Variants in LINGO2 observed in about 807,000 individuals in gnomAD.
The protein encoded by LINGO2 is leucine rich repeat and Ig domain containing 2, also known as leucine-rich repeat and immunoglobulin-like domain-containing nogo receptor-interacting protein 2.
LINGO2 carries 14 observed loss-of-function variants against 30.6 expected under a neutral mutation model. That is an observed-to-expected ratio of 0.46 (90% CI 0.30 to 0.72). LINGO2 has a LOEUF of 0.72. LINGO2 is among the 30% of genes least tolerant of loss of function. LINGO2 has a pLI of 0.07. For synonymous variants in LINGO2, 317 were observed against 288.5 expected (o/e 1.10, Z -1.00); for missense variants, 729 against 751.7 (o/e 0.97, Z 0.35).
the LINGO2 span, among the ~76,000 whole-genome samples, chr9:28,953,857 C>G: frequency 6.6e-6 from 1 of 152,042 alleles, no homozygotes; most frequent in Non-Finnish European, 1.5e-5. Context: ...ATATTAAAAT[C>G]CACTGGCTAT....
intron 2 of LINGO2, among the ~76,000 whole-genome samples, chr9:28,414,341 A>G (rs10968576): frequency 0.26 from 38,904 of 151,932 alleles, 5,556 homozygotes; most frequent in Non-Finnish European, 0.32. Context: ...TGAGCTGAGA[A>G]AGTACATATA....
the LINGO2 span, among the ~76,000 whole-genome samples, chr9:28,736,526 C>A: frequency 6.6e-6 from 1 of 152,148 alleles, no homozygotes; most frequent in East Asian, 1.9e-4. Context: ...CGTGGTGGGT[C>A]ACGCCTATAA....
chr9:28,319,105 G>T (rs546194386), intron 3 of LINGO2, among the ~76,000 whole-genome samples: 1 of 152,214 alleles, frequency 6.6e-6, no homozygotes, highest in East Asian at 1.9e-4. Flanking sequence ...AGTATGAACT[G>T]CCCAGCAGAC....
chr9:28,934,571 TAA>T, the LINGO2 span, among the ~76,000 whole-genome samples: 1 of 152,126 alleles, frequency 6.6e-6, no homozygotes, highest in African/African-American at 2.4e-5. Context: ...TTTCAATCCC[TAA>T]AAAAATCAGG....
At chr9:29,146,649 A>G in the LINGO2 span, among the ~76,000 whole-genome samples, 1 of 152,154 alleles carries the variant, frequency 6.6e-6, no homozygotes. Flanking sequence ...AAGGGAAAGG[A>G]ATATATTTGT....
At chr9:28,238,386 T>C (rs4358888) in intron 4 of LINGO2, among the ~76,000 whole-genome samples, 11,748 of 152,174 alleles carry the variant, frequency 0.077, 543 homozygotes, top group South Asian at 0.16. Context: ...GAATAGACCA[T>C]ATGTTAGGTC....
intron 2 of LINGO2, among the ~76,000 whole-genome samples, chr9:28,471,926 T>C (rs1215015769): frequency 1.3e-5 from 2 of 152,184 alleles, no homozygotes; most frequent in Non-Finnish European, 1.5e-5. Flanking sequence ...CAGCATAATA[T>C]TGAGACCAAG....
the LINGO2 span, among the ~76,000 whole-genome samples, chr9:28,969,928 T>G: frequency 2.6e-5 from 4 of 152,176 alleles, no homozygotes; most frequent in African/African-American, 9.7e-5. Flanking sequence ...TATTAGACAT[T>G]TAAGTAGGCA....
the LINGO2 span, among the ~76,000 whole-genome samples, chr9:29,028,887 T>C: frequency 2.0e-5 from 3 of 152,286 alleles, no homozygotes; most frequent in East Asian, 5.8e-4. Context: ...GCTCAAGCAC[T>C]TCTCAGAAAA....
intron 3 of LINGO2, among the ~76,000 whole-genome samples, chr9:28,348,751 C>A (rs918465020): frequency 1.3e-4 from 20 of 151,764 alleles, no homozygotes; most frequent in Non-Finnish European, 2.8e-4. Flanking sequence ...ATGTCCCTGT[C>A]TGACAGCTTT....
chr9:29,129,621 C>G, the LINGO2 span, among the ~76,000 whole-genome samples: 2 of 151,666 alleles, frequency 1.3e-5, no homozygotes, highest in African/African-American at 2.4e-5. Context: ...TGAAATGTGC[C>G]AAAAAAGATG....
At chr9:28,091,833 A>T (rs182068337) in intron 4 of LINGO2, among the ~76,000 whole-genome samples, 2 of 152,240 alleles carry the variant, frequency 1.3e-5, no homozygotes, top group Non-Finnish European at 2.9e-5. Flanking sequence ...GAATCTACAA[A>T]GAACTCAAAC....
intron 1 of LINGO2, among the ~76,000 whole-genome samples, chr9:28,567,487 C>G (rs147969306): frequency 6.6e-6 from 1 of 152,136 alleles, no homozygotes; most frequent in African/African-American, 2.4e-5. Context: ...AAAATCATGC[C>G]TTTTGCAGTA....
At chr9:28,286,143 C>T (rs1013433930) in intron 4 of LINGO2, among the ~76,000 whole-genome samples, 16 of 152,094 alleles carry the variant, frequency 1.1e-4, no homozygotes, top group Non-Finnish European at 1.5e-4. Flanking sequence ...TACTAAATAA[C>T]GGCACTTTAG....
chr9:28,501,433 G>A (rs2135316482), intron 1 of LINGO2, among the ~76,000 whole-genome samples: 1 of 152,246 alleles, frequency 6.6e-6, no homozygotes, highest in South Asian at 2.1e-4. Flanking sequence ...ATAATTGAAT[G>A]AAGCAAAGAA....
At chr9:27,984,304 A>G (rs1461145299) in intron 5 of LINGO2, among the ~76,000 whole-genome samples, 3 of 151,866 alleles carry the variant, frequency 2.0e-5, no homozygotes, top group Non-Finnish European at 4.4e-5. Context: ...GGAAGACTGC[A>G]TGTGGACCTT....
chr9:28,704,860 A>G, the LINGO2 span, among the ~76,000 whole-genome samples: 2 of 152,068 alleles, frequency 1.3e-5, no homozygotes, highest in South Asian at 2.1e-4. Context: ...AGTTTTAAAA[A>G]ATTCCTGGTC....
the LINGO2 span, among the ~76,000 whole-genome samples, chr9:29,157,338 A>G: frequency 6.6e-6 from 1 of 152,184 alleles, no homozygotes; most frequent in East Asian, 1.9e-4. Flanking sequence ...TGTATAGTCA[A>G]CCTCTCTAGT....
At chr9:28,730,700 T>C in the LINGO2 span, among the ~76,000 whole-genome samples, 2 of 152,170 alleles carry the variant, frequency 1.3e-5, no homozygotes, top group Non-Finnish European at 2.9e-5. Flanking sequence ...AGAAGTTTTA[T>C]ACATATGGCA....
Sources: allele counts gnomAD v4.1 joint callset (sites outside exome capture counted in the v4.1 genomes callset), GRCh38; gene constraint gnomAD v4.1.1; transcripts MANE v1.5; gene names NCBI Gene and HGNC (gene_info 2026-07-23, HGNC 2026-07-21).